Variants in GALNT13 observed in about 807,000 individuals in gnomAD.
The protein encoded by GALNT13 is UDP-GalNAc:polypeptide N-acetylgalactosaminyltransferase 13.
Under a neutral mutation model 64.2 loss-of-function variants are expected in GALNT13, and 28 were observed. That is an observed-to-expected ratio of 0.44 (90% confidence interval 0.32 to 0.60). The LOEUF (loss-of-function observed/expected upper bound fraction) is 0.60, where lower values mean the gene tolerates loss of function less well. GALNT13 is among the 20% of genes least tolerant of loss of function. The pLI, the probability that GALNT13 is intolerant of heterozygous loss-of-function variation, is 0.05. For synonymous variants in GALNT13, 214 were observed against 224.6 expected, an observed-to-expected ratio of 0.95 and a Z score of 0.42; for missense variants, 577 against 669.8, an observed-to-expected ratio of 0.86 and a Z score of 1.53.
chr2:153,179,874 T>A, the GALNT13 span, among the ~76,000 whole-genome samples: 1 of 152,148 alleles, frequency 6.6e-6, no homozygotes, highest in African/African-American at 2.4e-5. Flanking sequence ...TTTTTTTGTG[T>A]TGATTTTATA....
At chr2:153,664,330 A>T in the GALNT13 span, among the ~76,000 whole-genome samples, 1 of 152,104 alleles carries the variant, frequency 6.6e-6, no homozygotes, top group East Asian at 1.9e-4. Flanking sequence ...TCTCCTATTC[A>T]CTTTTTGCAA....
At chr2:153,347,669 G>A in the GALNT13 span, among the ~76,000 whole-genome samples, 1 of 152,108 alleles carries the variant, frequency 6.6e-6, no homozygotes, top group East Asian at 1.9e-4. Flanking sequence ...TTTAGTAGAG[G>A]AAATAGGAGT....
chr2:154,040,484 C>T (rs1698911235), intron 3 of GALNT13, among the ~76,000 whole-genome samples: 1 of 140,710 alleles, frequency 7.1e-6, no homozygotes, highest in Admixed American at 7.1e-5. Flanking sequence ...CCCCTCAACA[C>T]ATCAGCTGTA....
At chr2:153,320,432 T>TAGAAGCAC in the GALNT13 span, among the ~76,000 whole-genome samples, 13 of 152,284 alleles carry the variant, frequency 8.5e-5, no homozygotes, top group Middle Eastern at 3.4e-3. Flanking sequence ...TCTGTGCTTC[T>TAGAAGCAC]AGAGATATAA....
chr2:153,243,099 T>C, the GALNT13 span, among the ~76,000 whole-genome samples: 1 of 152,206 alleles, frequency 6.6e-6, no homozygotes, highest in Non-Finnish European at 1.5e-5. Flanking sequence ...CAGAGAAGCA[T>C]GCTCTTGGTC....
chr2:153,250,726 T>C, the GALNT13 span, among the ~76,000 whole-genome samples: 1 of 152,178 alleles, frequency 6.6e-6, no homozygotes, highest in Non-Finnish European at 1.5e-5. Context: ...TTCATGTCCT[T>C]CCGGGGACAT....
the GALNT13 span, among the ~76,000 whole-genome samples, chr2:153,517,378 G>A: frequency 6.6e-6 from 1 of 152,122 alleles, no homozygotes; most frequent in Non-Finnish European, 1.5e-5. Context: ...CTCGATAAAA[G>A]GAACCAGAGC....
chr2:153,727,574 C>T, the GALNT13 span, among the ~76,000 whole-genome samples: 2 of 152,122 alleles, frequency 1.3e-5, no homozygotes, highest in Admixed American at 6.5e-5. Context: ...AATTGCCATC[C>T]ATACGACTCA....
intron 2 of GALNT13, among the ~76,000 whole-genome samples, chr2:153,936,923 T>C (rs1389792511): frequency 6.6e-6 from 1 of 152,090 alleles, no homozygotes; most frequent in Admixed American, 6.6e-5. Flanking sequence ...TTCACTGTGT[T>C]AGCCAGGATG....
the GALNT13 span, among the ~76,000 whole-genome samples, chr2:153,298,645 A>G: frequency 7.2e-5 from 11 of 152,206 alleles, no homozygotes; most frequent in African/African-American, 2.7e-4. Flanking sequence ...CCAATAGAAA[A>G]TTCACTTTGA....
the GALNT13 span, among the ~76,000 whole-genome samples, chr2:153,372,174 G>A: frequency 6.6e-6 from 1 of 152,226 alleles, no homozygotes; most frequent in East Asian, 1.9e-4. Flanking sequence ...GGGAATGGGG[G>A]CGGCATGTGG....
chr2:153,704,821 G>A, the GALNT13 span, among the ~76,000 whole-genome samples: 1 of 152,110 alleles, frequency 6.6e-6, no homozygotes, highest in Non-Finnish European at 1.5e-5. Context: ...AGAATTTATT[G>A]CAGCATGAGA....
the GALNT13 span, among the ~76,000 whole-genome samples, chr2:153,168,246 T>A: frequency 2.0e-5 from 3 of 152,218 alleles, no homozygotes; most frequent in African/African-American, 7.2e-5. Flanking sequence ...AGACTATTTC[T>A]AAATTCCTTT....
At chr2:154,363,363 T>G (rs1697185374) in intron 9 of GALNT13, among the ~76,000 whole-genome samples, 1 of 152,182 alleles carries the variant, frequency 6.6e-6, no homozygotes, top group South Asian at 2.1e-4. Context: ...AACTTTTTTT[T>G]GTGGAGCGGG....
chr2:153,889,874 G>T (rs539386897), intron 1 of GALNT13, among the ~76,000 whole-genome samples: 1 of 151,962 alleles, frequency 6.6e-6, no homozygotes, highest in East Asian at 1.9e-4. Flanking sequence ...TCAGCAGTGG[G>T]TTCATGCTCA....
intron 9 of GALNT13, among the ~76,000 whole-genome samples, chr2:154,343,148 A>T (rs546717554): frequency 2.6e-5 from 4 of 152,044 alleles, no homozygotes; most frequent in Admixed American, 2.6e-4. Context: ...GGAGCTAAAC[A>T]TGGGGGCATC....
the GALNT13 span, among the ~76,000 whole-genome samples, chr2:153,182,244 C>T: frequency 2.6e-5 from 4 of 151,946 alleles, no homozygotes; most frequent in Non-Finnish European, 5.9e-5. Context: ...CGGGGTTTCA[C>T]CGTGTTAGCC....
At chr2:153,778,404 C>T in the GALNT13 span, among the ~76,000 whole-genome samples, 1 of 152,132 alleles carries the variant, frequency 6.6e-6, no homozygotes, top group Non-Finnish European at 1.5e-5. Context: ...GGGACCACGC[C>T]CTCCTCTACC....
chr2:153,408,276 T>A, the GALNT13 span, among the ~76,000 whole-genome samples: 9 of 150,852 alleles, frequency 6.0e-5, no homozygotes, highest in Middle Eastern at 6.8e-3. Context: ...AGTGGAGGGG[T>A]TGCTTTCATA....
Sources: gnomAD v4.1 joint callset for allele counts (sites outside exome capture counted in the v4.1 genomes callset) on GRCh38, gnomAD v4.1.1 for gene constraint, MANE v1.5 for transcripts, NCBI Gene and HGNC (gene_info 2026-07-23, HGNC 2026-07-21) for gene names.